Variants in MLXIPL observed in about 807,000 individuals in gnomAD.
The protein encoded by MLXIPL is carbohydrate-responsive element-binding protein.
In MLXIPL, 49 loss-of-function variants were observed where a neutral mutation model predicts 81.5. The ratio of observed to expected loss-of-function variants is 0.60; its 90% CI spans 0.48 to 0.76. The LOEUF is 0.76. Ranked by LOEUF, MLXIPL falls within the 30% of genes least tolerant of loss-of-function variation. The pLI is 0.00. For missense variants in MLXIPL, 1,053 were observed against 1,167.0 expected, an observed-to-expected ratio of 0.90 and a Z score of 1.42; for synonymous variants, 466 against 485.5, an observed-to-expected ratio of 0.96 and a Z score of 0.53.
chr7:73,597,169 T>C lies in MLXIPL; in HGVS notation c.1603+13A>G. ...CCTCCCCAGGCTTTCCTCTCCCCGTTGCTGGCCCTCACCTGCTGTGAGCAG... is the reference window on the plus strand; with the variant it reads ...CCTCCCCAGGCTTTCCTCTCCCCGTCGCTGGCCCTCACCTGCTGTGAGCAG... On this transcript the variant is annotated intron_variant, in intron 9 of 16. Transcript: ENST00000313375. 1 of 1,596,998 alleles carries C rather than the reference T, an allele frequency of 6.3e-7. No individual in the cohort carries two copies. Among genetic ancestry groups the C allele is most frequent in the Admixed American group, 1.7e-5 (1 of 58,202 alleles).
At chr7:73,599,397 T>G in intron 8 of MLXIPL, 129 bp downstream of exon 8, 1 of 1,214,804 alleles carries the variant, frequency 8.2e-7, no homozygotes, top group Non-Finnish European at 1.2e-6. Context: ...GATGGGGTCT[T>G]TCTTTCCCTC....
At position 73,596,685 on chromosome 7, in the gene MLXIPL, G is replaced by A. The variant is rs781939934; in HGVS notation, c.1776C>T (p.Pro592=). Residue 592 remains proline, a synonymous_variant, in exon 11 of 17, where the codon CCC becomes CCT. Coordinates refer to ENST00000313375, the MANE Select transcript of MLXIPL (RefSeq NM_032951.3). This position sits in a 1 kb window ranked among gnomAD's most constrained non-coding sequence, Gnocchi z 4.7. The part of the protein sequence containing the change: ...PGPATLAPSR[P]LLVPKAERLS... ...GCCGCTCCGCTTTGGGGACAAGCAG[G>A]GGCCTGGAAGGGGCCAATGTGGCCG... The A allele has an allele frequency of 1.9e-6, 3 of 1,587,518 alleles. No individual in the cohort carries two copies. Among genetic ancestry groups the A allele is most frequent in the Non-Finnish European group, 8.6e-7 (1 of 1,166,952 alleles).
intron 15 of MLXIPL, 110 bp from the exon 16 acceptor site, chr7:73,594,513 C>T (rs576436927): frequency 3.4e-5 from 46 of 1,362,950 alleles, no homozygotes; most frequent in African/African-American, 2.7e-4. Flanking sequence ...CACTGTCTAA[C>T]GTTGAACCCC....
chr7:73,640,040 C>T, the MLXIPL span, among the ~76,000 whole-genome samples: 4 of 151,088 alleles, frequency 2.6e-5, no homozygotes, highest in South Asian at 8.3e-4. Flanking sequence ...CCAGCCTGGG[C>T]AACAGAGCGA....
the MLXIPL span, among the ~76,000 whole-genome samples, chr7:73,634,633 CT>C: frequency 6.6e-6 from 1 of 151,868 alleles, no homozygotes; most frequent in Admixed American, 6.6e-5. Flanking sequence ...CTCAAGTGAT[CT>C]GCCTGCTGCC....
intron 8 of MLXIPL, among the ~76,000 whole-genome samples, chr7:73,598,639 C>T (rs1216621168): frequency 6.6e-6 from 1 of 152,212 alleles, no homozygotes; most frequent in Non-Finnish European, 1.5e-5. Context: ...TCACTGAGTG[C>T]TGTTATGTGC....
chr7:73,596,552 A>G lies in MLXIPL; in HGVS notation c.1823-73T>C. ...GGGTCCCCATTGCCCCCTTCCTCTC[A>G]TCTGGCCCCAGACCCAGTCCCCTTC... On this transcript the variant is annotated intron_variant, in intron 11 of 16. Transcript: ENST00000313375. The surrounding 1 kb of genome is among the most constrained non-coding windows in gnomAD (Gnocchi z 4.7). 1 of 1,602,220 alleles carries G rather than the reference A, an allele frequency of 6.2e-7. No individual in the cohort carries two copies.
chr7:73,636,800 G>A, the MLXIPL span, among the ~76,000 whole-genome samples: 3 of 152,182 alleles, frequency 2.0e-5, no homozygotes, highest in South Asian at 4.1e-4. Flanking sequence ...GGTGGCTCAC[G>A]CCTATAATCC....
chr7:73,600,679 G>A (rs1262279926), intron 7 of MLXIPL, among the ~76,000 whole-genome samples: 56 of 96,994 alleles, frequency 5.8e-4, no homozygotes, highest in African/African-American at 1.9e-3. Context: ...GCTGGGCTCC[G>A]AAAGGGGTGG....
chr7:73,594,999 C>T (rs1382848707), intron 15 of MLXIPL, among the ~76,000 whole-genome samples: 1 of 152,110 alleles, frequency 6.6e-6, no homozygotes, highest in Non-Finnish European at 1.5e-5. Context: ...GCACATGCCA[C>T]CACGCTTGGC....
the MLXIPL span, among the ~76,000 whole-genome samples, chr7:73,640,794 A>T: frequency 6.7e-6 from 1 of 148,596 alleles, no homozygotes; most frequent in Non-Finnish European, 1.5e-5. Flanking sequence ...AAAAAAAAAA[A>T]GGAGAAAAAA....
At chr7:73,606,428 CTTT>C (rs539124816) in intron 5 of MLXIPL, 525 of 300,558 alleles carry the variant, frequency 1.7e-3, no homozygotes, top group South Asian at 3.3e-3. Flanking sequence ...TTTTCTTTTT[CTTT>C]TTTTTTTTTT....
upstream of MLXIPL, chr7:73,624,617 G>A (rs1459884050): frequency 7.2e-7 from 1 of 1,380,142 alleles, no homozygotes; most frequent in Non-Finnish European, 9.3e-7. Flanking sequence ...GGCGGGGCCT[G>A]GGACGGGGCG....
chr7:73,607,572 G>C lies in MLXIPL; in HGVS notation c.483+18C>G. The C allele has an allele frequency of 6.2e-7, 1 of 1,611,712 alleles. No individual in the cohort carries two copies. The highest frequency in any genetic ancestry group is 8.5e-7 in the Non-Finnish European group (1 of 1,179,552). On this transcript the variant is annotated intron_variant, in intron 3 of 16. Coordinates refer to ENST00000313375, the MANE Select transcript of MLXIPL (RefSeq NM_032951.3). ...TGGGCAGGTGGGCAGGTGGGCAGGC[G>C]GTCCAGAACCCAGCTACCTCCGGCT... is the stretch of plus-strand genomic sequence containing the variant.
rs782142883 is a variant in MLXIPL, at chr7:73,596,340, C to G, written c.1938+24G>C. On this transcript the variant is annotated intron_variant, in intron 12 of 16. Transcript: ENST00000313375. The surrounding 1 kb of genome is among the most constrained non-coding windows in gnomAD (Gnocchi z 4.7). ...GAGGGCCTGGGGGTAGCAAACCGATCTTGGGGTGGGGGATGGTGCCCACCT... is the reference window on the plus strand; with the variant it reads ...GAGGGCCTGGGGGTAGCAAACCGATGTTGGGGTGGGGGATGGTGCCCACCT... The G allele has an allele frequency of 6.3e-6, 10 of 1,595,568 alleles. No individual in the cohort carries two copies. In the African/African-American group the frequency reaches 1.3e-4, roughly 21 times the overall value.
At chr7:73,621,290 T>C (rs1266084534) in intron 1 of MLXIPL, among the ~76,000 whole-genome samples, 1 of 151,520 alleles carries the variant, frequency 6.6e-6, no homozygotes, top group African/African-American at 2.4e-5. Flanking sequence ...TTCCAGAAAC[T>C]ACCTCCCTGG....
chr7:73,607,764 C>G, intron 2 of MLXIPL, 92 bp from the exon 3 acceptor site: 1 of 1,118,308 alleles, frequency 8.9e-7, no homozygotes, highest in Non-Finnish European at 1.3e-6. Flanking sequence ...CCTGCGAAAT[C>G]CTGCTTGGCC....
At chr7:73,627,216 G>C (rs555690402), upstream of MLXIPL, among the ~76,000 whole-genome samples, 23 of 149,898 alleles carry the variant, frequency 1.5e-4, no homozygotes, top group South Asian at 4.9e-3. Flanking sequence ...GAGGGGCTCT[G>C]CCCTGCTTCA....
the MLXIPL span, among the ~76,000 whole-genome samples, chr7:73,632,973 G>C: frequency 6.6e-6 from 1 of 151,860 alleles, no homozygotes; most frequent in African/African-American, 2.4e-5. Context: ...TAGAGATGGG[G>C]TTTCCCTATG....
Sources: gnomAD v4.1 joint callset for allele counts (sites outside exome capture counted in the v4.1 genomes callset) on GRCh38, gnomAD v4.1.1 for gene constraint, Gnocchi (gnomAD v3.1) non-coding constraint, MANE v1.5 for transcripts, NCBI Gene and HGNC (gene_info 2026-07-23, HGNC 2026-07-21) for gene names.